The following GAB4 variants were observed in gnomAD, a reference collection of about 807,000 sequenced individuals.
GAB4 encodes the protein GRB2-associated-binding protein 4.
In GAB4, 26 loss-of-function variants were observed where a neutral mutation model predicts 51.3. The ratio of observed to expected loss-of-function variants is 0.51; its 90% CI spans 0.37 to 0.70. The LOEUF (loss-of-function observed/expected upper bound fraction) is 0.70. GAB4 is among the 30% of genes least tolerant of loss of function. The pLI, the probability that GAB4 is intolerant of heterozygous loss-of-function variation, is 0.00. For missense variants in GAB4, 759 were observed against 734.6 expected (o/e 1.03, Z -0.38); for synonymous variants, 329 against 291.2 (o/e 1.13, Z -1.32).
In GAB4 at chr22:16,999,568, C is replaced by T. The variant is rs199686261; in HGVS notation, c.175-7392G>A. Among the ~76,000 whole-genome samples the T allele has an allele frequency of 2.6e-4, 39 of 151,972 alleles. No individual in the cohort carries two copies. The East Asian group carries it at 7.0e-3, about 27-fold the overall frequency. On this transcript the variant is annotated intron_variant, in intron 1 of 9. Transcript: ENST00000400588. ...TAGTCTTGCTAGAGGTCTTTCAATT[C>T]TGTTGATCTTTTCAAAAAACCAGCT...
intron 1 of GAB4, among the ~76,000 whole-genome samples, chr22:16,999,340 G>A (rs1209913780): frequency 1.1e-4 from 17 of 152,188 alleles, no homozygotes; most frequent in Admixed American, 2.6e-4. Context: ...TCTATTCAGG[G>A]ATTCAACTTC....
chr22:16,990,050 A>G (rs1399858077), intron 2 of GAB4, among the ~76,000 whole-genome samples: 1 of 151,956 alleles, frequency 6.6e-6, no homozygotes, highest in Admixed American at 6.5e-5. Context: ...ATGACTGTCC[A>G]CTGCACTCTC....
intron 3 of GAB4, 37 bp from the exon 4 acceptor site, chr22:16,970,230 A>AG: frequency 6.2e-7 from 1 of 1,611,364 alleles, no homozygotes; most frequent in Non-Finnish European, 8.5e-7. Context: ...CAGGGGTGAG[A>AG]GGAGGCCAGG....
chr22:16,992,255 A>G, intron 1 of GAB4, 79 bp from the exon 2 acceptor site: 3 of 1,309,610 alleles, frequency 2.3e-6, no homozygotes, highest in Non-Finnish European at 3.2e-6. Flanking sequence ...TCACTAAGTT[A>G]AGGATGGGAC....
chr22:16,966,255 T>A lies in GAB4; in HGVS notation c.1133A>T (p.Asp378Val), dbSNP rs775405230. Residue 378 changes from aspartate to valine, a missense_variant, in exon 6 of 10, where the codon GAT (aspartate) becomes GTT (valine). Physicochemically the swap from Asp to Val is radical, Grantham distance 152. This residue lies in a region of GAB4 where 588 missense variants were observed against 510.2 expected (regional missense o/e 1.15). Transcript: ENST00000400588. ...CACAGGGATGCAGACACCCTGGGAATCATCGCCTGCTTGCTTCACAGCCGG... is the reference window on the plus strand; with the variant it reads ...CACAGGGATGCAGACACCCTGGGAAACATCGCCTGCTTGCTTCACAGCCGG... The part of the protein sequence containing the change: ...TLPAVKQAGD[D>V]SQGVCIPVGS... The A allele has an allele frequency of 6.2e-7, 1 of 1,613,950 alleles. No individual in the cohort carries two copies. The highest frequency in any genetic ancestry group is 1.1e-5 in the South Asian group (1 of 91,070).
rs534449012 is a variant in GAB4 at position 16,990,897 on chromosome 22, A to G, written c.478+976T>C. ...ACTGACTTACAAGAATGAATTACTT[A>G]CTGACATTCTCACGAGAATGTGCAG... On this transcript the variant is annotated intron_variant, in intron 2 of 9. Coordinates refer to ENST00000400588, the MANE Select transcript of GAB4 (RefSeq NM_001037814.1). 1.3e-3 allele frequency among the ~76,000 whole-genome samples: 199 copies of G among 152,272 alleles called. 1 individual carries two copies. The highest frequency in any genetic ancestry group is 2.0e-3 in the Non-Finnish European group (139 of 68,030).
rs186822354 is a variant in GAB4, at chr22:16,986,102, C to A, written c.686+1858G>T. Reference sequence around the variant, plus strand: ...CACTGCTCATGCAGGCAGACATTTACCTGTCTGTCTCCTTTTGCTTCAGCT... The same window carrying A: ...CACTGCTCATGCAGGCAGACATTTAACTGTCTGTCTCCTTTTGCTTCAGCT... On this transcript the variant is annotated intron_variant, in intron 3 of 9. Coordinates refer to ENST00000400588, the MANE Select transcript of GAB4 (RefSeq NM_001037814.1). Among the ~76,000 whole-genome samples, 4 of 152,292 alleles carry A rather than the reference C, an allele frequency of 2.6e-5. No homozygotes were observed. In the East Asian group the frequency reaches 7.7e-4, roughly 29 times the overall value.
chr22:16,997,088 G>C (rs996866308), intron 1 of GAB4, among the ~76,000 whole-genome samples: 3 of 152,058 alleles, frequency 2.0e-5, no homozygotes, highest in African/African-American at 7.3e-5. Flanking sequence ...ATTGTGAATA[G>C]TGCCGCAATA....
chr22:16,992,340 T>C (rs1427024964), intron 1 of GAB4, among the ~76,000 whole-genome samples, 164 bp from the exon 2 acceptor site: 1 of 152,224 alleles, frequency 6.6e-6, no homozygotes, highest in African/African-American at 2.4e-5. Flanking sequence ...TTTGAATGCA[T>C]TTTACTGCAG....
Position 16,966,226 on chromosome 22 carries a change from A to AT in GAB4, c.1161_1162insA (p.Ser388IlefsTer7). Reference sequence around the variant, plus strand: ...AGCAGGTCAAAGCGAACAAGACATGAGCCCACAGGGATGCAGACACCCTGG... The same window carrying AT: ...AGCAGGTCAAAGCGAACAAGACATGATGCCCACAGGGATGCAGACACCCTGG... On this transcript the variant is annotated frameshift_variant, in exon 6 of 10. Transcript: ENST00000400588. LOFTEE classifies it high-confidence loss of function. 6.2e-7 allele frequency: 1 copy of AT among 1,614,142 alleles called. No individual in the cohort carries two copies. Among genetic ancestry groups the AT allele is most frequent in the Non-Finnish European group, 8.5e-7 (1 of 1,180,042 alleles).
At chr22:16,982,481 A>G (rs2060834324) in intron 3 of GAB4, among the ~76,000 whole-genome samples, 1 of 152,190 alleles carries the variant, frequency 6.6e-6, no homozygotes, top group Non-Finnish European at 1.5e-5. Flanking sequence ...GATCTCAACA[A>G]TGAAACTATA....
intron 3 of GAB4, among the ~76,000 whole-genome samples, chr22:16,986,386 T>C (rs1046888109): frequency 2.6e-5 from 4 of 152,194 alleles, no homozygotes; most frequent in African/African-American, 9.6e-5. Flanking sequence ...CTCAGTTCTC[T>C]CTGTCCAGGC....
intron 5 of GAB4, 36 bp downstream of exon 5, chr22:16,968,262 A>G (rs2060698381): frequency 6.9e-7 from 1 of 1,440,352 alleles, no homozygotes; most frequent in Non-Finnish European, 9.8e-7. Context: ...TACCTCCCTG[A>G]GCCAGTCTGG....
intron 2 of GAB4, among the ~76,000 whole-genome samples, chr22:16,989,335 G>A (rs2060894335): frequency 6.6e-6 from 1 of 152,216 alleles, no homozygotes; most frequent in South Asian, 2.1e-4. Flanking sequence ...AGGGGGCAGA[G>A]TTCTCTTTCT....
At chr22:16,975,031 C>G (rs1186478008) in intron 3 of GAB4, among the ~76,000 whole-genome samples, 1 of 152,178 alleles carries the variant, frequency 6.6e-6, no homozygotes, top group African/African-American at 2.4e-5. Flanking sequence ...GAGATTCCCT[C>G]GGGTGCCTAC....
intron 1 of GAB4, among the ~76,000 whole-genome samples, chr22:16,998,056 G>C (rs1337431551): frequency 6.6e-6 from 1 of 152,224 alleles, no homozygotes; most frequent in Non-Finnish European, 1.5e-5. Context: ...TAGCCTTGTA[G>C]TATAGTTTGA....
Position 16,987,989 on chromosome 22 carries a change from C to T in GAB4, c.657G>A (p.Gln219=), listed in dbSNP as rs2060882421. 3.1e-6 allele frequency: 5 copies of T among 1,607,656 alleles called. No homozygotes were observed. Among genetic ancestry groups the T allele is most frequent in the African/African-American group, 1.3e-5 (1 of 74,784 alleles). The change falls in exon 3 of 10, where the codon CAG becomes CAA. Residue 219 remains glutamine, a synonymous_variant. Coordinates refer to ENST00000400588, the MANE Select transcript of GAB4 (RefSeq NM_001037814.1). ...CATGTTCTGCTCTCTGGCTGGCGTG[C>T]TGGTGCGAGCGGAGACACCCCGGAG... ...PAPPGCLRSH[Q]HASQRAEHAR...
intron 3 of GAB4, among the ~76,000 whole-genome samples, chr22:16,984,475 G>C (rs772098152): frequency 1.3e-5 from 2 of 152,196 alleles, no homozygotes; most frequent in Admixed American, 6.5e-5. Flanking sequence ...GTATTATCTT[G>C]AGGTTCACAT....
intron 1 of GAB4, among the ~76,000 whole-genome samples, chr22:17,007,074 G>A (rs2061046194): frequency 6.6e-6 from 1 of 152,160 alleles, no homozygotes; most frequent in African/African-American, 2.4e-5. Flanking sequence ...CCTCAGGGAA[G>A]CAGAGGAAAG....
Sources: allele counts gnomAD v4.1 joint callset (sites outside exome capture counted in the v4.1 genomes callset), GRCh38; gene constraint gnomAD v4.1.1; regional missense constraint gnomAD v4.1.1; transcripts MANE v1.5; gene names NCBI Gene and HGNC (gene_info 2026-07-23, HGNC 2026-07-21).